The following APP variants were observed in gnomAD, a reference collection of about 807,000 sequenced individuals.
APP encodes the protein amyloid beta precursor protein.
APP carries 31 observed loss-of-function variants against 101.4 expected under a neutral mutation model. That is an observed-to-expected ratio of 0.31 (90% CI 0.23 to 0.41). The LOEUF is 0.41. Among genes scored for constraint, APP ranks in the 10% least tolerant of loss-of-function variants. The pLI, the probability that APP is intolerant of heterozygous loss-of-function variation, is 1.00. For synonymous variants in APP, 366 were observed against 364.4 expected (o/e 1.00, Z -0.05); for missense variants, 839 against 1,003.7 (o/e 0.84, Z 2.22).
chr21:26,060,867 A>G (rs1601357099), intron 3 of APP, among the ~76,000 whole-genome samples: 1 of 152,206 alleles, frequency 6.6e-6, no homozygotes, highest in African/African-American at 2.4e-5. Context: ...ATGATGTGGA[A>G]GAGATCAGTG....
At chr21:25,898,248 T>C (rs1322670069) in intron 15 of APP, among the ~76,000 whole-genome samples, 3 of 152,250 alleles carry the variant, frequency 2.0e-5, no homozygotes, top group Non-Finnish European at 4.4e-5. Flanking sequence ...TTGGTTCGTC[T>C]GCTGAATAAA....
chr21:25,905,157 G>T, intron 14 of APP, 80 bp from the exon 15 acceptor site: 1 of 1,249,188 alleles, frequency 8.0e-7, no homozygotes, highest in Non-Finnish European at 1.2e-6. Context: ...ACATAGTCGA[G>T]CAGGGAAAAA....
At chr21:26,164,073 C>T (rs533544191) in intron 1 of APP, among the ~76,000 whole-genome samples, 6 of 152,082 alleles carry the variant, frequency 3.9e-5, no homozygotes, top group Non-Finnish European at 7.4e-5. Flanking sequence ...AGTGAAACCC[C>T]GTCTCTACTA....
At chr21:26,050,440 G>GA (rs2045789146) in intron 5 of APP, among the ~76,000 whole-genome samples, 2 of 151,854 alleles carry the variant, frequency 1.3e-5, no homozygotes, top group Admixed American at 1.3e-4. Flanking sequence ...AGCTCCCTAA[G>GA]AAAAAGAGGC....
At chr21:26,140,939 A>G (rs976283155) in intron 1 of APP, among the ~76,000 whole-genome samples, 4 of 152,232 alleles carry the variant, frequency 2.6e-5, no homozygotes, top group Admixed American at 6.5e-5. Context: ...AGCATTCTGG[A>G]GGAGTAAAGA....
At chr21:25,964,606 C>CTTTTTTTTTTTTT (rs150904952) in intron 11 of APP, among the ~76,000 whole-genome samples, 8 of 122,550 alleles carry the variant, frequency 6.5e-5, no homozygotes, top group African/African-American at 9.0e-5. Context: ...TTTTTCTTTT[C>CTTTTTTTTTTTTT]TTTTTTTTTT....
chr21:25,975,016 C>CCTTA (rs1368941937), intron 11 of APP, 54 bp downstream of exon 11: 134 of 1,610,756 alleles, frequency 8.3e-5, no homozygotes, highest in Middle Eastern at 3.6e-4. Flanking sequence ...AGTGCCCCAC[C>CCTTA]CTTACTGTCT....
At chr21:26,003,423 C>T (rs1196518564) in intron 6 of APP, among the ~76,000 whole-genome samples, 2 of 152,196 alleles carry the variant, frequency 1.3e-5, no homozygotes, top group East Asian at 1.9e-4. Flanking sequence ...TGACTTTGAA[C>T]GGCCCCCAAG....
intron 3 of APP, among the ~76,000 whole-genome samples, chr21:26,080,401 GT>G (rs983898414): frequency 1.3e-5 from 2 of 151,306 alleles, no homozygotes; most frequent in East Asian, 1.9e-4. Flanking sequence ...CATTTTTTAA[GT>G]TTTTTTTTAA....
At chr21:25,960,619 T>C (rs949803920) in intron 11 of APP, among the ~76,000 whole-genome samples, 1 of 151,892 alleles carries the variant, frequency 6.6e-6, no homozygotes, top group Non-Finnish European at 1.5e-5. Context: ...AATAACAGAG[T>C]AGCAAAGGAG....
At position 25,899,545 on chromosome 21, in the gene APP, A is replaced by G. The variant is rs549858412; in HGVS notation, c.1964-1872T>C. Reference sequence around the variant, plus strand: ...TGTAGGGACGCTCAAGCAGCATTACAGAGTTCACATGGTAAGATACTGAGG... The same window carrying G: ...TGTAGGGACGCTCAAGCAGCATTACGGAGTTCACATGGTAAGATACTGAGG... On this transcript the variant is annotated intron_variant, in intron 15 of 17. Coordinates refer to ENST00000346798, the MANE Select transcript of APP (RefSeq NM_000484.4). Among the ~76,000 whole-genome samples the G allele has an allele frequency of 4.6e-5, 7 of 152,296 alleles. No individual in the cohort carries two copies. In the East Asian group the frequency reaches 1.2e-3, roughly 25 times the overall value.
chr21:25,900,427 C>T (rs373494641), intron 15 of APP, among the ~76,000 whole-genome samples: 1 of 140,770 alleles, frequency 7.1e-6, no homozygotes, highest in Non-Finnish European at 1.5e-5. Context: ...GGTGTGGTGG[C>T]GGGTGCCTGT....
chr21:25,980,608 C>G (rs575777289), intron 9 of APP, among the ~76,000 whole-genome samples: 1 of 152,044 alleles, frequency 6.6e-6, no homozygotes, highest in African/African-American at 2.4e-5. Context: ...CTTTTTTCCT[C>G]TTTATGTTAT....
chr21:25,965,015 T>C (rs9980420), intron 11 of APP, among the ~76,000 whole-genome samples: 1,602 of 152,326 alleles, frequency 0.011, 26 homozygotes, highest in African/African-American at 0.036. Flanking sequence ...GAAGGCAGCA[T>C]ATAGAACTGA....
At chr21:25,913,775 C>T (rs2039201639) in intron 13 of APP, among the ~76,000 whole-genome samples, 3 of 152,190 alleles carry the variant, frequency 2.0e-5, no homozygotes, top group African/African-American at 7.2e-5. Context: ...TGTGACATCT[C>T]TGAATAACTC....
intron 11 of APP, among the ~76,000 whole-genome samples, chr21:25,958,039 A>G (rs1433752961): frequency 2.0e-5 from 3 of 152,164 alleles, no homozygotes; most frequent in Admixed American, 2.0e-4. Context: ...GCTTTTCATC[A>G]TAACTTCTTT....
At chr21:25,996,397 C>T (rs2043057417) in intron 8 of APP, among the ~76,000 whole-genome samples, 1 of 32,278 alleles carries the variant, frequency 3.1e-5, no homozygotes, top group Admixed American at 4.5e-4. Context: ...ACGAATTAGT[C>T]CATGTACTAC....
At chr21:26,086,289 C>T (rs767085109) in intron 3 of APP, among the ~76,000 whole-genome samples, 1 of 152,192 alleles carries the variant, frequency 6.6e-6, no homozygotes, top group Non-Finnish European at 1.5e-5. Flanking sequence ...AGAAAGCCAA[C>T]TTATTCTCAA....
rs1289783023 is a variant in APP, at chr21:26,136,347, C to T, written c.58-24201G>A. Among the ~76,000 whole-genome samples, 3 of 152,118 alleles carry T rather than the reference C, an allele frequency of 2.0e-5. No homozygotes were observed. In the East Asian group the frequency reaches 5.8e-4, roughly 29 times the overall value. ...TATACAGCCACCGAGCAATCATATACATCTTTTAAAAAGAAACAGGCAATT... is the reference window on the plus strand; with the variant it reads ...TATACAGCCACCGAGCAATCATATATATCTTTTAAAAAGAAACAGGCAATT... On this transcript the variant is annotated intron_variant, in intron 1 of 17. Coordinates refer to ENST00000346798, the MANE Select transcript of APP (RefSeq NM_000484.4).
Sources: allele counts gnomAD v4.1 joint callset (sites outside exome capture counted in the v4.1 genomes callset), GRCh38; gene constraint gnomAD v4.1.1; transcripts MANE v1.5; gene names NCBI Gene and HGNC (gene_info 2026-07-23, HGNC 2026-07-21).